Variants in TLE1 observed in about 807,000 individuals in gnomAD.
TLE1 encodes the protein TLE family member 1, transcriptional corepressor, also known as transducin-like enhancer protein 1.
Under a neutral mutation model 89.8 loss-of-function variants are expected in TLE1, and 21 were observed. The ratio of observed to expected loss-of-function variants is 0.23; its 90% CI spans 0.17 to 0.34. The LOEUF (loss-of-function observed/expected upper bound fraction) is 0.34. TLE1 is among the 10% of genes least tolerant of loss of function. The pLI, the probability that TLE1 is intolerant of heterozygous loss-of-function variation, is 1.00. For missense variants in TLE1, 795 were observed against 1,031.2 expected (o/e 0.77, Z 3.14); for synonymous variants, 447 against 407.6 (o/e 1.10, Z -1.16).
chr9:81,633,947 T>C (rs1827034057), intron 7 of TLE1, 150 bp downstream of exon 7: 2 of 859,922 alleles, frequency 2.3e-6, no homozygotes, highest in East Asian at 2.8e-5. Flanking sequence ...CAGGGTGACC[T>C]GTGTTTCAGT....
chr9:81,656,187 G>A (rs796241666), intron 4 of TLE1, among the ~76,000 whole-genome samples: 3 of 152,256 alleles, frequency 2.0e-5, no homozygotes, highest in African/African-American at 7.2e-5. Flanking sequence ...AACTGGGTCA[G>A]CCCCACCCAG....
At chr9:81,687,839 G>A (rs1478992058) in intron 1 of TLE1, among the ~76,000 whole-genome samples, 1 of 152,058 alleles carries the variant, frequency 6.6e-6, no homozygotes, top group African/African-American at 2.4e-5. Flanking sequence ...GAGTCGCCGG[G>A]GCCACCTCCA....
chr9:81,687,190 T>A, intron 2 of TLE1, 144 bp downstream of exon 2: 1 of 579,520 alleles, frequency 1.7e-6, no homozygotes, highest in Non-Finnish European at 3.0e-6. Flanking sequence ...GGAAAGGGGG[T>A]AACTTGAATG....
chr9:81,610,076 A>G, intron 14 of TLE1, 144 bp downstream of exon 14: 1 of 668,424 alleles, frequency 1.5e-6, no homozygotes, highest in Middle Eastern at 2.6e-4. Context: ...CTATTTATAG[A>G]AAGTGTTAAC....
At chr9:81,584,968 AT>A (rs1427670792) in intron 18 of TLE1, among the ~76,000 whole-genome samples, 27 of 128,276 alleles carry the variant, frequency 2.1e-4, no homozygotes, top group Non-Finnish European at 4.0e-4. Context: ...TCATCCACCC[AT>A]CCATCCATCC....
At chr9:81,654,518 T>G (rs1044603887) in intron 4 of TLE1, among the ~76,000 whole-genome samples, 2 of 152,058 alleles carry the variant, frequency 1.3e-5, no homozygotes, top group Non-Finnish European at 2.9e-5. Context: ...TTTTTTTCTA[T>G]TTTTAGTAGA....
At chr9:81,656,392 ACT>A (rs1290498353) in intron 4 of TLE1, among the ~76,000 whole-genome samples, 2 of 151,946 alleles carry the variant, frequency 1.3e-5, no homozygotes, top group Admixed American at 6.6e-5. Context: ...TTCCTGCAAC[ACT>A]CTGTACATTC....
At chr9:81,610,413 A>G in intron 13 of TLE1, 117 bp from the exon 14 acceptor site, 3 of 751,650 alleles carry the variant, frequency 4.0e-6, no homozygotes, top group Non-Finnish European at 6.7e-6. Flanking sequence ...GGGAACAGTA[A>G]CATGGCCTAG....
intron 15 of TLE1, among the ~76,000 whole-genome samples, chr9:81,591,628 T>C (rs899860702): frequency 6.6e-6 from 1 of 152,174 alleles, no homozygotes; most frequent in Middle Eastern, 3.2e-3. Context: ...GGGGCCCTCA[T>C]ATGATCAACT....
chr9:81,683,996 G>A (rs922183135), intron 4 of TLE1, among the ~76,000 whole-genome samples: 6 of 152,012 alleles, frequency 3.9e-5, no homozygotes, highest in African/African-American at 1.5e-4. Context: ...CCCAGCACCA[G>A]CATATAGCAT....
chr9:81,593,236 T>G lies in TLE1; in HGVS notation c.1370A>C (p.Gln457Pro). The stretch of plus-strand genomic sequence containing the variant: ...GGCGTCGGGGGGAAAAGGGACAGGC[T>G]GCATCTGACCGTCTGCAGTAACGTG... ...SFHVTADGQMQPVPFPPDALI... is the reference protein window; with the variant it reads ...SFHVTADGQMPPVPFPPDALI... The change falls in exon 15 of 20, where the codon CAG becomes CCG. Residue 457 changes from glutamine (Q) to proline (P), a missense_variant. Around this residue, in one of 4 missense-constraint regions of TLE1, gnomAD observed 468 missense variants for 509.1 expected, o/e 0.92. Transcript: ENST00000376499. 6.2e-7 allele frequency: 1 copy of G among 1,614,108 alleles called. No individual in the cohort carries two copies. Among genetic ancestry groups the G allele is most frequent in the East Asian group, 2.2e-5 (1 of 44,880 alleles).
intron 4 of TLE1, among the ~76,000 whole-genome samples, chr9:81,661,292 C>A (rs1338307619): frequency 6.6e-6 from 1 of 150,890 alleles, no homozygotes; most frequent in African/African-American, 2.4e-5. Context: ...CCTAAAACCA[C>A]CTTTCCTACT....
intron 4 of TLE1, among the ~76,000 whole-genome samples, chr9:81,673,229 C>T (rs111556931): frequency 5.7e-4 from 79 of 139,152 alleles, no homozygotes; most frequent in African/African-American, 1.9e-3. Flanking sequence ...ACCAAGATTG[C>T]GCCATTGCAC....
intron 8 of TLE1, among the ~76,000 whole-genome samples, chr9:81,622,930 T>C (rs1449637258): frequency 6.6e-6 from 1 of 152,150 alleles, no homozygotes; most frequent in Non-Finnish European, 1.5e-5. Context: ...ACCTAAAGTC[T>C]ACCCCACCAA....
chr9:81,623,452 G>C (rs1825530817), intron 8 of TLE1, among the ~76,000 whole-genome samples: 1 of 152,042 alleles, frequency 6.6e-6, no homozygotes. Context: ...GCAAAAGAAT[G>C]AAACAGAGGT....
intron 2 of TLE1, among the ~76,000 whole-genome samples, chr9:81,686,193 C>G (rs1045837160): frequency 2.6e-5 from 4 of 152,176 alleles, no homozygotes; most frequent in African/African-American, 7.2e-5. Flanking sequence ...TGCTCCCTAC[C>G]TTCCTGCATC....
At chr9:81,593,620 A>G (rs912104670) in intron 14 of TLE1, among the ~76,000 whole-genome samples, 15 of 152,164 alleles carry the variant, frequency 9.9e-5, no homozygotes, top group African/African-American at 3.1e-4. Context: ...CCTTCCATGT[A>G]TCTTGTGTAA....
Position 81,586,814 on chromosome 9 carries a change from T to C in TLE1, c.1977+867A>G, listed in dbSNP as rs140394769. 2.9e-3 allele frequency among the ~76,000 whole-genome samples: 437 copies of C among 152,338 alleles called. 1 individual carries two copies. The highest frequency in any genetic ancestry group is 5.3e-3 in the Admixed American group (81 of 15,296). ...AAAAAAAGGCAGAACAAAAATTGTATCCTGCTTATGTTGGGAAAGAGTGAA... is the reference window on the plus strand; with the variant it reads ...AAAAAAAGGCAGAACAAAAATTGTACCCTGCTTATGTTGGGAAAGAGTGAA... On this transcript the variant is annotated intron_variant, in intron 17 of 19. Coordinates refer to ENST00000376499, the MANE Select transcript of TLE1 (RefSeq NM_005077.5).
Position 81,639,576 on chromosome 9 carries a change from TTTTTTTTTTTTG to T in TLE1, c.373-5287_373-5276del, listed in dbSNP as rs984288794. On this transcript the variant is annotated intron_variant, in intron 6 of 19. Coordinates refer to ENST00000376499, the MANE Select transcript of TLE1 (RefSeq NM_005077.5). Reference sequence around the variant, plus strand: ...TTTGTAAAGTGATTAGTAAAAGTTGTTTTTTTTTTTTGTTTTTTTTTTTTTTGAGACAGTCTC... The same window carrying T: ...TTTGTAAAGTGATTAGTAAAAGTTGTTTTTTTTTTTTTTTGAGACAGTCTC... 9.7e-5 allele frequency among the ~76,000 whole-genome samples: 13 copies of T among 134,202 alleles called. No individual in the cohort carries two copies. In the East Asian group the frequency reaches 1.7e-3, roughly 18 times the overall value. 88.0% of individuals were successfully genotyped at this position (134,202 alleles called of 152,430 possible).
Sources: allele counts gnomAD v4.1 joint callset (sites outside exome capture counted in the v4.1 genomes callset), GRCh38; gene constraint gnomAD v4.1.1; regional missense constraint gnomAD v4.1.1; transcripts MANE v1.5; gene names NCBI Gene and HGNC (gene_info 2026-07-23, HGNC 2026-07-21).